The following GTF2H3 variants were observed in gnomAD, a reference collection of about 807,000 sequenced individuals.
GTF2H3 encodes TFIIH basal transcription factor complex p34 subunit.
GTF2H3 carries 42 observed loss-of-function variants against 51.1 expected under a neutral mutation model. The observed-to-expected ratio is 0.82, with a 90% confidence interval of 0.64 to 1.06. The LOEUF (loss-of-function observed/expected upper bound fraction) is 1.06. Among genes scored for constraint, GTF2H3 ranks in the 50% least tolerant of loss-of-function variants. The pLI is 0.00. For missense variants in GTF2H3, 326 were observed against 366.1 expected (o/e 0.89, Z 0.89); for synonymous variants, 123 against 123.8 (o/e 0.99, Z 0.04).
chr12:123,659,773 C>A (rs761632902), intron 10 of GTF2H3, 22 bp from the exon 11 acceptor site: 4 of 1,602,146 alleles, frequency 2.5e-6, no homozygotes, highest in Admixed American at 3.5e-5. Context: ...ATAAAAGTTT[C>A]TTTTGTTTGT....
intron 7 of GTF2H3, among the ~76,000 whole-genome samples, chr12:123,653,236 A>C (rs1201058376): frequency 6.6e-6 from 1 of 152,236 alleles, no homozygotes; most frequent in African/African-American, 2.4e-5. Context: ...GAGCGATAGA[A>C]GAATAAGTGG....
chr12:123,647,010 G>A (rs1054276212), intron 3 of GTF2H3, among the ~76,000 whole-genome samples: 3 of 151,654 alleles, frequency 2.0e-5, no homozygotes, highest in African/African-American at 7.3e-5. Context: ...AAAATTAGCC[G>A]GGCATGGTGG....
chr12:123,651,040 G>T lies in GTF2H3; in HGVS notation c.411G>T (p.Leu137=), dbSNP rs776493836. The change falls in exon 5 of 13, where the codon CTG becomes CTT. Residue 137 remains leucine, a synonymous_variant. Transcript: ENST00000543341. ...QHTETLLAGS[L]AKALCYIHRM... is the part of the protein sequence containing the mutation. ...CAGAAACTTTGCTGGCAGGATCCCT[G>T]GCCAAAGCCCTTTGCTGTATCCTTG... 1.2e-6 allele frequency: 2 copies of T among 1,612,294 alleles called. No homozygotes were observed. Among genetic ancestry groups the T allele is most frequent in the African/African-American group, 1.3e-5 (1 of 75,008 alleles).
At chr12:123,639,415 G>T in intron 2 of GTF2H3, 72 bp downstream of exon 2, 1 of 750,040 alleles carries the variant, frequency 1.3e-6, no homozygotes, top group Non-Finnish European at 2.3e-6. Context: ...TTTAAAAAAT[G>T]GCTTTATTAA....
intron 2 of GTF2H3, among the ~76,000 whole-genome samples, chr12:123,641,896 C>T (rs1374680389): frequency 6.6e-6 from 1 of 152,086 alleles, no homozygotes; most frequent in East Asian, 1.9e-4. Context: ...TCTTGTCGCC[C>T]AGGCTAGAGT....
intron 9 of GTF2H3, among the ~76,000 whole-genome samples, chr12:123,657,037 C>T (rs1360610360): frequency 2.0e-5 from 3 of 151,928 alleles, no homozygotes; most frequent in African/African-American, 4.8e-5. Flanking sequence ...CAGTCAGCTA[C>T]GATCATGCCA....
At chr12:123,655,658 T>C (rs1031838982) in intron 8 of GTF2H3, 113 bp from the exon 9 acceptor site, 1 of 675,740 alleles carries the variant, frequency 1.5e-6, no homozygotes, top group Non-Finnish European at 2.7e-6. Flanking sequence ...CAGAGTCACG[T>C]TGCATATTGA....
chr12:123,654,975 G>A lies in GTF2H3; in HGVS notation c.538G>A (p.Val180Ile), dbSNP rs778946136. The A allele has an allele frequency of 1.2e-6, 2 of 1,613,060 alleles. No homozygotes were observed. The highest frequency in any genetic ancestry group is 2.2e-5 in the South Asian group (2 of 91,066). The change falls in exon 8 of 13, where the codon GTC (valine) becomes ATC (isoleucine). Residue 180 changes from valine (V) to isoleucine (I), a missense_variant. Transcript: ENST00000543341. ...SALQYMNFMN[V>I]IFAAQKQNIL... ...GTTGCAGTATATGAACTTCATGAAT[G>A]TCATCTTTGCAGCACAGAAACAGGT...
intron 2 of GTF2H3, among the ~76,000 whole-genome samples, chr12:123,642,839 A>G (rs1221755850): frequency 6.6e-6 from 1 of 152,178 alleles, no homozygotes; most frequent in African/African-American, 2.4e-5. Flanking sequence ...GACAATATTC[A>G]TGTTAGAACT....
At chr12:123,638,325 A>AT (rs1187510784) in intron 1 of GTF2H3, among the ~76,000 whole-genome samples, 7,131 of 142,020 alleles carry the variant, frequency 0.05, 301 homozygotes, top group African/African-American at 0.11. Flanking sequence ...AACCCAGCTA[A>AT]TTTTTTTTTT....
intron 9 of GTF2H3, among the ~76,000 whole-genome samples, chr12:123,657,281 G>A (rs756161855): frequency 6.6e-6 from 1 of 151,772 alleles, no homozygotes; most frequent in African/African-American, 2.4e-5. Flanking sequence ...AGCATCATAC[G>A]TTGACTAAAA....
chr12:123,643,488 A>G (rs1156250704), intron 2 of GTF2H3, among the ~76,000 whole-genome samples: 2 of 152,162 alleles, frequency 1.3e-5, no homozygotes, highest in Admixed American at 1.3e-4. Context: ...TTTTTCTTGT[A>G]CCAACACAAA....
At position 123,659,573 on chromosome 12, in the gene GTF2H3, C is replaced by T; in HGVS notation, c.673C>T (p.Gln225Ter). 6.2e-7 allele frequency: 1 copy of T among 1,613,822 alleles called. No homozygotes were observed. Among genetic ancestry groups the T allele is most frequent in the Non-Finnish European group, 8.5e-7 (1 of 1,179,830 alleles). ...LKVPQMPSLL[Q>*]YLLWVFLPDQ... ...GGTGCCTCAGATGCCTTCTCTTCTG[C>T]AGTATTTGCTGGTAAGGAGACAGCA... Residue 225 changes from glutamine (Q) to a stop codon, truncating the protein, a stop_gained, in exon 10 of 13, where the codon CAG (glutamine) becomes TAG (stop). Transcript: ENST00000543341. LOFTEE classifies it high-confidence loss of function.
At position 123,648,068 on chromosome 12, in the gene GTF2H3, A is replaced by T; in HGVS notation, c.306A>T (p.Glu102Asp). ...NPSGSKDGKY[E>D]LLTSANEVIV... ...CTGGGAGTAAAGATGGAAAATACGA[A>T]CTTTTAACCTCAGCAAATGAAGTTA... The change falls in exon 4 of 13, where the codon GAA (glutamate) becomes GAT (aspartate). Residue 102 changes from glutamate (E) to aspartate (D), a missense_variant. Coordinates refer to ENST00000543341, the MANE Select transcript of GTF2H3 (RefSeq NM_001516.5). The T allele has an allele frequency of 1.9e-6, 3 of 1,612,106 alleles. No homozygotes were observed. The highest frequency in any genetic ancestry group is 2.5e-6 in the Non-Finnish European group (3 of 1,178,276).
At chr12:123,652,387 G>C (rs1955530715) in intron 5 of GTF2H3, 145 bp from the exon 6 acceptor site, 1 of 570,080 alleles carries the variant, frequency 1.8e-6, no homozygotes, top group Non-Finnish European at 3.1e-6. Flanking sequence ...TCACTCTTGT[G>C]TATTTATCTT....
chr12:123,649,276 T>TTA (rs1489532142), intron 4 of GTF2H3: 1 of 152,280 alleles, frequency 6.6e-6, no homozygotes, highest in East Asian at 1.9e-4. Flanking sequence ...GCCCCATCCC[T>TTA]TATTGTCATC....
chr12:123,648,085 A>G lies in GTF2H3; in HGVS notation c.323A>G (p.Asn108Ser). The G allele has an allele frequency of 6.2e-7, 1 of 1,610,300 alleles. No homozygotes were observed. The highest frequency in any genetic ancestry group is 8.5e-7 in the Non-Finnish European group (1 of 1,177,102). ...DGKYELLTSANEVIVEEIKDL... is the reference protein window; with the variant it reads ...DGKYELLTSASEVIVEEIKDL... ...AAATACGAACTTTTAACCTCAGCAA[A>G]TGAAGTTATTGTTGAAGAGATTAAA... is the stretch of plus-strand genomic sequence containing the variant. The change falls in exon 4 of 13, where the codon AAT (asparagine) becomes AGT (serine). Residue 108 changes from asparagine to serine, a missense_variant. Transcript: ENST00000543341.
intron 2 of GTF2H3, among the ~76,000 whole-genome samples, chr12:123,640,201 G>A (rs1955349311): frequency 6.6e-6 from 1 of 151,904 alleles, no homozygotes; most frequent in Non-Finnish European, 1.5e-5. Flanking sequence ...TCCCACTCTC[G>A]ACCACACCTT....
intron 1 of GTF2H3, among the ~76,000 whole-genome samples, chr12:123,634,948 G>A (rs1955254886): frequency 6.6e-6 from 1 of 152,176 alleles, no homozygotes; most frequent in Non-Finnish European, 1.5e-5. Context: ...AGATCACTGT[G>A]GCTGTTGTGT....
Sources: allele counts gnomAD v4.1 joint callset (sites outside exome capture counted in the v4.1 genomes callset), GRCh38; gene constraint gnomAD v4.1.1; transcripts MANE v1.5; gene names NCBI Gene and HGNC (gene_info 2026-07-23, HGNC 2026-07-21).